Variants in CACNG2 observed in about 807,000 individuals in gnomAD.
CACNG2 encodes calcium voltage-gated channel auxiliary subunit gamma 2, also known as voltage-dependent calcium channel gamma-2 subunit.
In CACNG2, 3 loss-of-function variants were observed where a neutral mutation model predicts 25.9. The observed-to-expected ratio is 0.12, with a 90% CI of 0.05 to 0.30. The LOEUF is 0.30. Among genes scored for constraint, CACNG2 ranks in the 10% least tolerant of loss-of-function variants. The pLI is 1.00. For missense variants in CACNG2, 341 were observed against 432.5 expected, an observed-to-expected ratio of 0.79 and a Z score of 1.88; for synonymous variants, 167 against 173.3, an observed-to-expected ratio of 0.96 and a Z score of 0.29.
At chr22:36,594,008 T>C (rs537540150) in intron 1 of CACNG2, among the ~76,000 whole-genome samples, 50 of 152,022 alleles carry the variant, frequency 3.3e-4, no homozygotes, top group Non-Finnish European at 6.3e-4. Context: ...ATGAATGAGA[T>C]TTCATTTCCC....
chr22:36,606,755 T>TGC lies in CACNG2; in HGVS notation c.212-19209_212-19208dup, dbSNP rs932540676. Among the ~76,000 whole-genome samples the TGC allele has an allele frequency of 4.2e-5, 5 of 118,700 alleles. No homozygotes were observed. 77.9% of individuals were successfully genotyped at this position (118,700 alleles called of 152,430 possible). On this transcript the variant is annotated intron_variant, in intron 1 of 3. Coordinates refer to ENST00000300105, the MANE Select transcript of CACNG2 (RefSeq NM_006078.5). This position sits in a 1 kb window ranked among gnomAD's most constrained non-coding sequence, Gnocchi z 5.7. Reference sequence around the variant, plus strand: ...GGACGGAAACCAGACGGTTGGGCTGTGCGTGTGTGTGTGTGTGTGTGTGTA... The same window carrying TGC: ...GGACGGAAACCAGACGGTTGGGCTGTGCGCGTGTGTGTGTGTGTGTGTGTGTA...
chr22:36,698,170 C>T (rs1473400559), intron 1 of CACNG2, among the ~76,000 whole-genome samples: 1 of 152,146 alleles, frequency 6.6e-6, no homozygotes, highest in Non-Finnish European at 1.5e-5. Context: ...CTCTTCTTCG[C>T]CCTCTCTCCC....
intron 1 of CACNG2, among the ~76,000 whole-genome samples, chr22:36,653,411 C>T (rs1457576511): frequency 1.6e-5 from 2 of 127,256 alleles, no homozygotes; most frequent in African/African-American, 1.1e-4. Context: ...TATTTGGCTT[C>T]CTTTGAAAAA....
At chr22:36,645,536 CAAAAAA>C (rs200600420) in intron 1 of CACNG2, among the ~76,000 whole-genome samples, 2 of 134,874 alleles carry the variant, frequency 1.5e-5, no homozygotes, top group African/African-American at 2.8e-5. Context: ...GACTCTGTCT[CAAAAAA>C]AAAAAAAAAA....
At chr22:36,582,759 C>G (rs1220463922) in intron 2 of CACNG2, among the ~76,000 whole-genome samples, 1 of 151,354 alleles carries the variant, frequency 6.6e-6, no homozygotes, top group African/African-American at 2.4e-5. Flanking sequence ...ATCCCCCGTC[C>G]CTGCTTGACT....
intron 1 of CACNG2, among the ~76,000 whole-genome samples, chr22:36,607,069 G>A (rs2145936925): frequency 6.6e-6 from 1 of 152,208 alleles, no homozygotes; most frequent in South Asian, 2.1e-4. Flanking sequence ...GGGGTTTTAA[G>A]TAGGAGGTTA....
chr22:36,644,229 C>G (rs952765541), intron 1 of CACNG2, among the ~76,000 whole-genome samples: 1 of 152,220 alleles, frequency 6.6e-6, no homozygotes, highest in African/African-American at 2.4e-5. Flanking sequence ...CAGGCTCCAG[C>G]TGAACTGGGC....
chr22:36,644,168 C>A (rs761293823), intron 1 of CACNG2, among the ~76,000 whole-genome samples: 26 of 152,162 alleles, frequency 1.7e-4, no homozygotes, highest in Non-Finnish European at 3.1e-4. Context: ...TGCTTTTAGG[C>A]CCCAGACATC....
intron 1 of CACNG2, among the ~76,000 whole-genome samples, chr22:36,688,936 A>T (rs2592958): frequency 6.6e-6 from 1 of 152,102 alleles, no homozygotes; most frequent in East Asian, 1.9e-4. Flanking sequence ...CAAGTGCTCC[A>T]CTCTCTCCTT....
rs1352124794 is a variant in CACNG2, at chr22:36,561,317, G to C, written c.*3034C>G. ...CCCTTCTCCCTTCGCTCTCATCCTT[G>C]ATCCCTTTAGGTCTGGAATCTGGTG... On this transcript the variant is annotated 3_prime_UTR_variant, in exon 4 of 4. Transcript: ENST00000300105. 1 of 152,308 alleles carries C rather than the reference G, an allele frequency of 6.6e-6. No individual in the cohort carries two copies. Among genetic ancestry groups the C allele is most frequent in the Non-Finnish European group, 1.5e-5 (1 of 68,116 alleles). 9.4% of individuals were successfully genotyped at this position (152,308 alleles called of 1,614,324 possible). A position where few individuals can be genotyped will look rare whatever the true frequency, so the allele number is the denominator to read the frequency against.
chr22:36,658,077 AT>A (rs1936735096), intron 1 of CACNG2, among the ~76,000 whole-genome samples: 1 of 152,120 alleles, frequency 6.6e-6, no homozygotes, highest in African/African-American at 2.4e-5. Context: ...ATTACCAAGT[AT>A]TACAGCAGGT....
intron 2 of CACNG2, among the ~76,000 whole-genome samples, chr22:36,571,550 A>G (rs1935224681): frequency 6.6e-6 from 1 of 151,930 alleles, no homozygotes; most frequent in South Asian, 2.1e-4. Flanking sequence ...CAAGATTTGC[A>G]TGCATATGAA....
intron 2 of CACNG2, among the ~76,000 whole-genome samples, chr22:36,578,688 G>C (rs1282841047): frequency 2.6e-5 from 4 of 152,190 alleles, no homozygotes; most frequent in Non-Finnish European, 4.4e-5. Flanking sequence ...AGGCCAGGAA[G>C]GGTGGCTCTG....
intron 1 of CACNG2, among the ~76,000 whole-genome samples, chr22:36,678,668 A>G (rs1362064761): frequency 9.0e-5 from 12 of 133,768 alleles, no homozygotes; most frequent in African/African-American, 3.5e-4. Context: ...CCTCATTTCC[A>G]CCCCCATGCC....
At chr22:36,611,955 T>C (rs192469084) in intron 1 of CACNG2, among the ~76,000 whole-genome samples, 52 of 152,350 alleles carry the variant, frequency 3.4e-4, no homozygotes, top group Admixed American at 1.1e-3. Flanking sequence ...GAGCCTCCTC[T>C]GTAAACCGGG....
At chr22:36,591,566 G>T (rs1935593035) in intron 1 of CACNG2, among the ~76,000 whole-genome samples, 1 of 151,952 alleles carries the variant, frequency 6.6e-6, no homozygotes, top group Admixed American at 6.6e-5. Context: ...TAGCTTACTT[G>T]GGAGTCTGAG....
At chr22:36,577,006 G>C (rs1935328621) in intron 2 of CACNG2, among the ~76,000 whole-genome samples, 1 of 152,176 alleles carries the variant, frequency 6.6e-6, no homozygotes, top group African/African-American at 2.4e-5. Context: ...GCTGTCAGTA[G>C]AGATTGGTGA....
At chr22:36,613,092 G>C (rs1156622179) in intron 1 of CACNG2, among the ~76,000 whole-genome samples, 1 of 151,818 alleles carries the variant, frequency 6.6e-6, no homozygotes, top group Non-Finnish European at 1.5e-5. Flanking sequence ...TAACTGCATT[G>C]TCAAACTCTA....
chr22:36,697,732 G>T (rs920613756), intron 1 of CACNG2, among the ~76,000 whole-genome samples: 1 of 152,162 alleles, frequency 6.6e-6, no homozygotes, highest in Non-Finnish European at 1.5e-5. Flanking sequence ...AAGTTGTCAG[G>T]GTTCTTTGAA....
Sources: allele counts gnomAD v4.1 joint callset (sites outside exome capture counted in the v4.1 genomes callset), GRCh38; gene constraint gnomAD v4.1.1; non-coding constraint Gnocchi (gnomAD v3.1); transcripts MANE v1.5; gene names NCBI Gene and HGNC (gene_info 2026-07-23, HGNC 2026-07-21).